The following STK32B variants were observed in gnomAD, a reference collection of about 807,000 sequenced individuals.
STK32B encodes serine/threonine kinase 32B.
A neutral mutation model predicts 52.6 loss-of-function variants in STK32B; 43 were observed. The ratio of observed to expected loss-of-function variants is 0.82; its 90% confidence interval spans 0.64 to 1.05. The LOEUF is 1.05. Among genes scored for constraint, STK32B ranks in the 50% least tolerant of loss-of-function variants. The probability of loss-of-function intolerance (pLI) is 0.00; values close to 1 mark genes in which losing one functional copy is unlikely to be tolerated. For missense variants in STK32B, 621 were observed against 534.6 expected (o/e 1.16, Z -1.59); for synonymous variants, 238 against 204.3 (o/e 1.17, Z -1.41).
At chr4:5,264,087 G>A (rs1478224010) in intron 3 of STK32B, among the ~76,000 whole-genome samples, 2 of 152,096 alleles carry the variant, frequency 1.3e-5, no homozygotes, top group Non-Finnish European at 2.9e-5. Context: ...GGTTGTTTTG[G>A]GTTTGTACTA....
intron 11 of STK32B, among the ~76,000 whole-genome samples, chr4:5,481,740 C>T (rs1332093965): frequency 6.6e-6 from 1 of 152,104 alleles, no homozygotes; most frequent in East Asian, 1.9e-4. Flanking sequence ...AGTCTTTAAT[C>T]CATCTTGAAT....
At chr4:5,323,696 G>A (rs1195996492) in intron 3 of STK32B, among the ~76,000 whole-genome samples, 2 of 152,214 alleles carry the variant, frequency 1.3e-5, no homozygotes, top group Non-Finnish European at 2.9e-5. Context: ...GAATATGGGT[G>A]TTTCAGGCGT....
At chr4:5,358,701 G>GCGCGCGCACA (rs151338728) in intron 4 of STK32B, among the ~76,000 whole-genome samples, 1,496 of 106,790 alleles carry the variant, frequency 0.014, 46 homozygotes, top group East Asian at 0.12. Context: ...TCACACACAT[G>GCGCGCGCACA]CACACACACA....
rs184902957 is a variant in STK32B at position 5,163,035 on chromosome 4, A to C, written c.109-5264A>C. ...GAGGACCACTGACCTGCTCTGGGCC[A>C]TGTGGGACATGATAGACCGAGCATG... On this transcript the variant is annotated intron_variant, in intron 2 of 11. Coordinates refer to ENST00000282908, the MANE Select transcript of STK32B (RefSeq NM_018401.3). Among the ~76,000 whole-genome samples the C allele has an allele frequency of 2.6e-3, 399 of 152,322 alleles. 5 individuals carry two copies. Among genetic ancestry groups the C allele is most frequent in the African/African-American group, 9.3e-3 (385 of 41,574 alleles).
At chr4:5,435,496 C>T (rs1043515022) in intron 6 of STK32B, among the ~76,000 whole-genome samples, 13 of 152,138 alleles carry the variant, frequency 8.5e-5, no homozygotes, top group African/African-American at 2.9e-4. Flanking sequence ...AAAGCCCATG[C>T]TATAAAGATG....
At chr4:5,452,959 C>T (rs886217059) in intron 7 of STK32B, among the ~76,000 whole-genome samples, 1 of 152,034 alleles carries the variant, frequency 6.6e-6, no homozygotes, top group Non-Finnish European at 1.5e-5. Flanking sequence ...GAGAACTCAG[C>T]ATCAGTACAA....
chr4:5,340,736 A>C (rs573667183), intron 4 of STK32B, among the ~76,000 whole-genome samples: 31 of 152,346 alleles, frequency 2.0e-4, no homozygotes, highest in African/African-American at 7.2e-4. Context: ...ATGTGTTGAC[A>C]CTACTTTAAA....
At chr4:5,068,413 G>T (rs1174730263) in intron 1 of STK32B, among the ~76,000 whole-genome samples, 3 of 152,114 alleles carry the variant, frequency 2.0e-5, no homozygotes, top group African/African-American at 7.2e-5. Context: ...TTGGAATAAT[G>T]GCCCCCAGTT....
At chr4:5,487,944 A>G (rs1220607140) in intron 11 of STK32B, among the ~76,000 whole-genome samples, 3 of 152,204 alleles carry the variant, frequency 2.0e-5, no homozygotes, top group African/African-American at 7.2e-5. Flanking sequence ...AGGCTTTAGG[A>G]ACAAAGCAAG....
intron 3 of STK32B, among the ~76,000 whole-genome samples, chr4:5,277,091 G>A (rs9997792): frequency 1.8e-4 from 28 of 152,284 alleles, no homozygotes; most frequent in African/African-American, 6.5e-4. Flanking sequence ...TACATGTGGG[G>A]CATTCGAAAG....
chr4:5,381,700 T>A (rs549224133), intron 4 of STK32B, among the ~76,000 whole-genome samples: 2 of 152,332 alleles, frequency 1.3e-5, no homozygotes, highest in South Asian at 4.1e-4. Context: ...AAAGTGGCTC[T>A]GCCATATCTG....
At chr4:5,202,134 A>G (rs1329971439) in intron 3 of STK32B, among the ~76,000 whole-genome samples, 1 of 152,244 alleles carries the variant, frequency 6.6e-6, no homozygotes, top group Non-Finnish European at 1.5e-5. Context: ...ATGAGGGTAC[A>G]GGCATTAGGT....
chr4:5,055,399 C>T (rs545160274), intron 1 of STK32B, among the ~76,000 whole-genome samples: 32 of 152,052 alleles, frequency 2.1e-4, no homozygotes, highest in East Asian at 1.6e-3. Flanking sequence ...CATGTCACAG[C>T]TCTTGCTTGG....
At chr4:5,138,931 C>T (rs1716237598) in intron 1 of STK32B, among the ~76,000 whole-genome samples, 1 of 152,116 alleles carries the variant, frequency 6.6e-6, no homozygotes, top group African/African-American at 2.4e-5. Context: ...CCCTGCAGCC[C>T]TGGGGAAGGA....
rs143686975 is a variant in STK32B, at chr4:5,366,954, A to C, written c.435-31253A>C. ...CCCCTCCCATTTAGCAGCTATGAGC[A>C]TTAAGGCCCAGAAAAGTTAAGTAGG... is the stretch of plus-strand genomic sequence containing the variant. On this transcript the variant is annotated intron_variant, in intron 4 of 11. Coordinates refer to ENST00000282908, the MANE Select transcript of STK32B (RefSeq NM_018401.3). Among the ~76,000 whole-genome samples, 310 of 152,266 alleles carry C rather than the reference A, an allele frequency of 2.0e-3. 1 individual carries two copies. Among genetic ancestry groups the C allele is most frequent in the African/African-American group, 6.6e-3 (276 of 41,552 alleles).
intron 3 of STK32B, among the ~76,000 whole-genome samples, chr4:5,317,893 C>T (rs1731214774): frequency 6.6e-6 from 1 of 152,078 alleles, no homozygotes; most frequent in Non-Finnish European, 1.5e-5. Flanking sequence ...TGTCCCCATA[C>T]CAACAGCATC....
chr4:5,255,975 G>A (rs1017256627), intron 3 of STK32B, among the ~76,000 whole-genome samples: 3 of 152,104 alleles, frequency 2.0e-5, no homozygotes, highest in Admixed American at 6.6e-5. Flanking sequence ...CACAGAGCCC[G>A]TAGCATGTGT....
intron 6 of STK32B, among the ~76,000 whole-genome samples, chr4:5,438,927 T>A (rs75573427): frequency 1.3e-5 from 2 of 151,570 alleles, no homozygotes; most frequent in Non-Finnish European, 2.9e-5. Flanking sequence ...ACAAAGGACA[T>A]GAACTCATCA....
At chr4:5,414,049 C>G (rs892740707) in intron 5 of STK32B, among the ~76,000 whole-genome samples, 5 of 152,180 alleles carry the variant, frequency 3.3e-5, no homozygotes, top group African/African-American at 1.2e-4. Context: ...ACAAGACAAA[C>G]AATTAAGCAA....
Sources: allele counts gnomAD v4.1 joint callset (sites outside exome capture counted in the v4.1 genomes callset), GRCh38; gene constraint gnomAD v4.1.1; transcripts MANE v1.5; gene names NCBI Gene and HGNC (gene_info 2026-07-23, HGNC 2026-07-21).